Variants in AFDN observed in about 807,000 individuals in gnomAD.
AFDN encodes the protein afadin.
Under a neutral mutation model 216.6 loss-of-function variants are expected in AFDN, and 68 were observed. That is an observed-to-expected ratio of 0.31 (90% confidence interval 0.26 to 0.38). The LOEUF (loss-of-function observed/expected upper bound fraction) is 0.38, where lower values mean the gene tolerates loss of function less well. Ranked by LOEUF, AFDN falls within the 10% of genes least tolerant of loss-of-function variation. The pLI, the probability that AFDN is intolerant of heterozygous loss-of-function variation, is 1.00. For synonymous variants in AFDN, 868 were observed against 853.7 expected (o/e 1.02, Z -0.29); for missense variants, 2,136 against 2,342.0 (o/e 0.91, Z 1.82).
intron 26 of AFDN, among the ~76,000 whole-genome samples, chr6:167,946,337 C>G (rs974353470): frequency 3.9e-5 from 6 of 152,132 alleles, no homozygotes; most frequent in African/African-American, 1.4e-4. Context: ...GACGGCTGCT[C>G]AGAACGATGA....
chr6:167,963,654 T>A (rs1797254663), intron 31 of AFDN: 1 of 1,060,312 alleles, frequency 9.4e-7, no homozygotes, highest in South Asian at 4.6e-5. Context: ...CTGCATTTTG[T>A]AGACCTTTGC....
chr6:167,898,926 C>T (rs1433786142), intron 11 of AFDN, among the ~76,000 whole-genome samples: 3 of 152,156 alleles, frequency 2.0e-5, no homozygotes, highest in African/African-American at 7.2e-5. Context: ...TAAGGGAAAA[C>T]AGAAAGCCTT....
intron 6 of AFDN, among the ~76,000 whole-genome samples, chr6:167,887,800 A>C (rs1787056104): frequency 6.6e-6 from 1 of 151,958 alleles, no homozygotes; most frequent in South Asian, 2.1e-4. Context: ...CTTATTCTTT[A>C]TTCATTATTT....
intron 1 of AFDN, among the ~76,000 whole-genome samples, chr6:167,837,425 A>C (rs1780573233): frequency 6.6e-6 from 1 of 151,194 alleles, no homozygotes; most frequent in South Asian, 2.1e-4. Flanking sequence ...TTTGGAAAAA[A>C]GTTTGCGTGT....
At position 167,951,712 on chromosome 6, in the gene AFDN, C is replaced by T. The variant is rs373580392; in HGVS notation, c.4358C>T (p.Thr1453Ile). ...GAGAGGAAGTTGGGCCAGATGCGCA[C>T]TCAGTCCTTAAACCCTGCTCCGTTT... Reference protein sequence around the residue: ...EQERKLGQMRTQSLNPAPFSP... With the variant: ...EQERKLGQMRIQSLNPAPFSP... Residue 1453 changes from threonine to isoleucine, a missense_variant, in exon 30 of 34, where the codon ACT becomes ATT. Transcript: ENST00000683244. The surrounding 1 kb of genome is among the most constrained non-coding windows in gnomAD (Gnocchi z 7.1). 1 of 1,614,088 alleles carries T rather than the reference C, an allele frequency of 6.2e-7. No individual in the cohort carries two copies. Among genetic ancestry groups the T allele is most frequent in the Non-Finnish European group, 8.5e-7 (1 of 1,179,994 alleles).
At position 167,944,015 on chromosome 6, in the gene AFDN, G is replaced by A. The variant is rs764724997; in HGVS notation, c.3314G>A (p.Gly1105Asp). 1.2e-6 allele frequency: 2 copies of A among 1,614,164 alleles called. No homozygotes were observed. The highest frequency in any genetic ancestry group is 2.2e-5 in the South Asian group (2 of 91,076). The change falls in exon 26 of 34, where the codon GGT becomes GAT. Residue 1105 changes from glycine (G) to aspartate (D), a missense_variant. Transcript: ENST00000683244. ...GCAAAGCAGGGTGCCATCTACCACG[G>A]TCTGGCCACCCTTCTCAATCAGCCA... ...EVAKQGAIYHGLATLLNQPSP... is the reference protein window; with the variant it reads ...EVAKQGAIYHDLATLLNQPSP...
Position 167,833,665 on chromosome 6 carries a change from C to T in AFDN, c.105+6428C>T, listed in dbSNP as rs866137071. The stretch of plus-strand genomic sequence containing the variant: ...CCAACAAAAATTCTGTCAATTTTTT[C>T]ACTGTTAACCAGCTTTTGGTACTGA... On this transcript the variant is annotated intron_variant, in intron 1 of 33. Transcript: ENST00000683244. 2.6e-5 allele frequency among the ~76,000 whole-genome samples: 4 copies of T among 152,076 alleles called. No individual in the cohort carries two copies. In the South Asian group the frequency reaches 8.3e-4, roughly 31 times the overall value.
At chr6:167,910,750 T>G (rs1324350996) in intron 13 of AFDN, among the ~76,000 whole-genome samples, 1 of 152,156 alleles carries the variant, frequency 6.6e-6, no homozygotes, top group Non-Finnish European at 1.5e-5. Flanking sequence ...TTGTGTCACT[T>G]AGTACTTTGT....
At chr6:167,950,209 T>C (rs958160483) in intron 29 of AFDN, among the ~76,000 whole-genome samples, 2 of 152,228 alleles carry the variant, frequency 1.3e-5, no homozygotes, top group African/African-American at 4.8e-5. Flanking sequence ...GTTTGCTTTT[T>C]AAGGAAAAGG....
intron 23 of AFDN, among the ~76,000 whole-genome samples, chr6:167,940,171 G>A (rs571489523): frequency 1.3e-5 from 2 of 152,270 alleles, no homozygotes; most frequent in East Asian, 1.9e-4. Flanking sequence ...AGGTGAGAGT[G>A]GAAACCATCC....
rs1797808804 is a variant in AFDN at position 167,968,872 on chromosome 6, T to C, written c.5258-242T>C. 16 of 460,556 alleles carry C rather than the reference T, an allele frequency of 3.5e-5. No individual in the cohort carries two copies. The South Asian group carries it at 3.8e-4, about 11-fold the overall frequency. 28.5% of individuals were successfully genotyped at this position (460,556 alleles called of 1,614,324 possible). A position where few individuals can be genotyped will look rare whatever the true frequency, so the allele number is the denominator to read the frequency against. The stretch of plus-strand genomic sequence containing the variant: ...TGGGCCAGTGGGCAGTATTCCTCCC[T>C]CATAGTGAAGGGCGTCAGGTCAACA... On this transcript the variant is annotated intron_variant, in intron 32 of 33. Transcript: ENST00000683244.
chr6:167,878,551 T>G (rs1307089247), intron 5 of AFDN, among the ~76,000 whole-genome samples: 2 of 152,022 alleles, frequency 1.3e-5, no homozygotes, highest in Admixed American at 6.6e-5. Context: ...CAGTCATACA[T>G]GTGCACTCTT....
intron 32 of AFDN, chr6:167,968,609 TA>T (rs1351354399): frequency 1.3e-5 from 2 of 156,028 alleles, no homozygotes; most frequent in Admixed American, 1.2e-4. Flanking sequence ...TTTCTAATGC[TA>T]CAATTAATAG....
intron 1 of AFDN, among the ~76,000 whole-genome samples, chr6:167,862,664 C>T (rs1475458164): frequency 2.0e-5 from 3 of 152,206 alleles, no homozygotes; most frequent in Non-Finnish European, 2.9e-5. Flanking sequence ...CATGGGCCAC[C>T]GTGCCCGGCA....
rs1779193123 is a variant in AFDN, at chr6:167,827,253, C to G, written c.105+16C>G. ...GCCGACCGAGGTGAGCACCGCCGGG[C>G]GCGGGGCCTGCGCGACCCCCGCCCG... On this transcript the variant is annotated intron_variant, in intron 1 of 33. Coordinates refer to ENST00000683244, the MANE Select transcript of AFDN (RefSeq NM_001386888.1). The G allele has an allele frequency of 9.2e-7, 1 of 1,092,828 alleles. No homozygotes were observed. The highest frequency in any genetic ancestry group is 1.1e-6 in the Non-Finnish European group (1 of 874,928). 67.7% of individuals were successfully genotyped at this position (1,092,828 alleles called of 1,614,324 possible). A position where few individuals can be genotyped will look rare whatever the true frequency, so the allele number is the denominator to read the frequency against.
At chr6:167,886,284 G>T (rs1357385702) in intron 6 of AFDN, among the ~76,000 whole-genome samples, 1 of 152,094 alleles carries the variant, frequency 6.6e-6, no homozygotes, top group Admixed American at 6.5e-5. Flanking sequence ...GTGAGAAATA[G>T]TATCAATAAA....
At chr6:167,965,236 T>A in intron 31 of AFDN, 1 of 250,904 alleles carries the variant, frequency 4.0e-6, no homozygotes, top group Non-Finnish European at 6.3e-6. Context: ...GTCCTCCTTG[T>A]CCAGGAAGGA....
chr6:167,935,638 GAATA>G (rs1242399856), intron 23 of AFDN, among the ~76,000 whole-genome samples: 2 of 152,164 alleles, frequency 1.3e-5, no homozygotes, highest in African/African-American at 4.8e-5. Context: ...GTTTTGCAGA[GAATA>G]AATGGACTAA....
At chr6:167,943,499 A>C in intron 25 of AFDN, 24 bp downstream of exon 25, 4 of 1,581,254 alleles carry the variant, frequency 2.5e-6, no homozygotes, top group Non-Finnish European at 3.5e-6. Flanking sequence ...ATTTGCTTGA[A>C]GCATAGTATT....
Sources: gnomAD v4.1 joint callset for allele counts (sites outside exome capture counted in the v4.1 genomes callset) on GRCh38, gnomAD v4.1.1 for gene constraint, Gnocchi (gnomAD v3.1) non-coding constraint, MANE v1.5 for transcripts, NCBI Gene and HGNC (gene_info 2026-07-23, HGNC 2026-07-21) for gene names.